The following DLGAP1 variants were observed in gnomAD, a reference collection of about 807,000 sequenced individuals.
The protein encoded by DLGAP1 is disks large-associated protein 1.
DLGAP1 carries 11 observed loss-of-function variants against 90.8 expected under a neutral mutation model. The observed-to-expected ratio is 0.12, with a 90% CI of 0.08 to 0.20. The LOEUF is 0.20. Among genes scored for constraint, DLGAP1 ranks in the 10% least tolerant of loss-of-function variants. DLGAP1 has a pLI of 1.00. For missense variants in DLGAP1, 1,050 were observed against 1,333.8 expected (o/e 0.79, Z 3.31); for synonymous variants, 558 against 540.7 (o/e 1.03, Z -0.44).
intron 8 of DLGAP1, among the ~76,000 whole-genome samples, chr18:3,578,346 A>G (rs1055858930): frequency 8.6e-5 from 13 of 151,876 alleles, no homozygotes; most frequent in Non-Finnish European, 1.5e-4. Flanking sequence ...TTCAATGAAT[A>G]GTTTGCGTCT....
chr18:4,265,183 C>CT (rs1197959755), intron 1 of DLGAP1, among the ~76,000 whole-genome samples: 5 of 136,470 alleles, frequency 3.7e-5, no homozygotes, highest in African/African-American at 1.6e-4. Flanking sequence ...CTCTTTCTTT[C>CT]TTTTTGACGG....
chr18:4,405,449 C>A (rs2082642397), intron 1 of DLGAP1, among the ~76,000 whole-genome samples: 1 of 152,124 alleles, frequency 6.6e-6, no homozygotes, highest in Admixed American at 6.5e-5. Context: ...ATTTCCTTAA[C>A]TCCAGCACAG....
At chr18:4,272,787 T>G (rs1377674893) in intron 1 of DLGAP1, among the ~76,000 whole-genome samples, 2 of 152,214 alleles carry the variant, frequency 1.3e-5, no homozygotes, top group Non-Finnish European at 2.9e-5. Flanking sequence ...GAATGTGACC[T>G]TGTTTGGAAA....
intron 1 of DLGAP1, chr18:4,294,701 G>A (rs1267903631): frequency 6.6e-6 from 1 of 152,286 alleles, no homozygotes; most frequent in Non-Finnish European, 1.5e-5. Context: ...TGCAAGGGCA[G>A]AGGGCCAATG....
chr18:4,047,999 A>G (rs2075080132), intron 2 of DLGAP1, among the ~76,000 whole-genome samples: 1 of 152,134 alleles, frequency 6.6e-6, no homozygotes, highest in African/African-American at 2.4e-5. Context: ...GGGTCTCACT[A>G]CACTGCCAGG....
At chr18:3,735,531 ATAT>A (rs2147542612) in intron 6 of DLGAP1, among the ~76,000 whole-genome samples, 1 of 152,268 alleles carries the variant, frequency 6.6e-6, no homozygotes, top group South Asian at 2.1e-4. Flanking sequence ...CCCAAAATTC[ATAT>A]TATATGTCTA....
intron 1 of DLGAP1, among the ~76,000 whole-genome samples, chr18:4,220,839 C>A (rs1302534319): frequency 6.6e-6 from 1 of 152,056 alleles, no homozygotes; most frequent in African/African-American, 2.4e-5. Flanking sequence ...CACAGCAATG[C>A]AATATATAAT....
intron 1 of DLGAP1, among the ~76,000 whole-genome samples, chr18:4,350,476 C>A (rs989436637): frequency 1.4e-4 from 21 of 152,090 alleles, no homozygotes; most frequent in African/African-American, 5.1e-4. Flanking sequence ...ATAATTTTCT[C>A]TTAATTATAA....
chr18:4,181,062 C>T (rs1331230127), intron 1 of DLGAP1, among the ~76,000 whole-genome samples: 1 of 152,174 alleles, frequency 6.6e-6, no homozygotes, highest in Non-Finnish European at 1.5e-5. Flanking sequence ...GAGTGTCTCA[C>T]ATTTTCTTGA....
intron 5 of DLGAP1, among the ~76,000 whole-genome samples, chr18:3,785,507 C>T (rs1381220879): frequency 2.0e-5 from 3 of 152,132 alleles, no homozygotes; most frequent in Admixed American, 6.6e-5. Flanking sequence ...TCTTATAAAG[C>T]CTTCTGCCTA....
At chr18:4,263,539 T>C (rs2079044617) in intron 1 of DLGAP1, among the ~76,000 whole-genome samples, 1 of 152,126 alleles carries the variant, frequency 6.6e-6, no homozygotes, top group South Asian at 2.1e-4. Flanking sequence ...TACTACCAAA[T>C]ATGGCCAAAG....
At chr18:4,399,510 T>C (rs2082507389) in intron 1 of DLGAP1, among the ~76,000 whole-genome samples, 1 of 152,168 alleles carries the variant, frequency 6.6e-6, no homozygotes, top group Non-Finnish European at 1.5e-5. Context: ...AGTAGAGAAA[T>C]AAAAATGTAA....
intron 1 of DLGAP1, among the ~76,000 whole-genome samples, chr18:4,418,046 G>A (rs1029205888): frequency 2.6e-5 from 4 of 152,072 alleles, no homozygotes; most frequent in Admixed American, 6.6e-5. Flanking sequence ...AACAAAACAC[G>A]TTTGACAACC....
intron 8 of DLGAP1, among the ~76,000 whole-genome samples, chr18:3,579,250 G>T (rs1168612123): frequency 6.6e-6 from 1 of 152,188 alleles, no homozygotes; most frequent in South Asian, 2.1e-4. Context: ...TGCTCTTGTT[G>T]CCCCGACTTG....
At chr18:4,443,783 G>C (rs2083594218) in intron 1 of DLGAP1, among the ~76,000 whole-genome samples, 1 of 152,190 alleles carries the variant, frequency 6.6e-6, no homozygotes, top group African/African-American at 2.4e-5. Flanking sequence ...GGATCCGTAA[G>C]AAAATAAAGA....
intron 6 of DLGAP1, among the ~76,000 whole-genome samples, chr18:3,730,082 GTCT>G (rs959327208): frequency 1.3e-5 from 2 of 152,146 alleles, no homozygotes; most frequent in African/African-American, 2.4e-5. Context: ...ACAAGTTTCA[GTCT>G]TCTTTATAAA....
rs144752504 is a variant in DLGAP1, at chr18:4,321,799, G to A, written c.-267+133207C>T. ...ATGAGGCAGGAGAAGTAAATTAAGC[G>A]TACACCTTGAAACAATTTTTATAAA... On this transcript the variant is annotated intron_variant, in intron 1 of 12. Transcript: ENST00000315677. Among the ~76,000 whole-genome samples the A allele has an allele frequency of 2.8e-3, 427 of 152,248 alleles. 1 individual carries two copies. The highest frequency in any genetic ancestry group is 9.7e-3 in the African/African-American group (402 of 41,556).
chr18:3,623,225 A>G (rs28692949), intron 7 of DLGAP1, among the ~76,000 whole-genome samples: 63,941 of 151,984 alleles, frequency 0.42, 15,586 homozygotes, highest in African/African-American at 0.66. Context: ...AGAGTTGTTG[A>G]GAGGATCACA....
chr18:4,202,180 A>G (rs955369774), intron 1 of DLGAP1, among the ~76,000 whole-genome samples: 1 of 152,134 alleles, frequency 6.6e-6, no homozygotes, highest in African/African-American at 2.4e-5. Flanking sequence ...AGCCATAAAA[A>G]GAATAAAAGA....
Sources: allele counts gnomAD v4.1 joint callset (sites outside exome capture counted in the v4.1 genomes callset), GRCh38; gene constraint gnomAD v4.1.1; transcripts MANE v1.5; gene names NCBI Gene and HGNC (gene_info 2026-07-23, HGNC 2026-07-21).